SGCD: variants seen among roughly 807,000 people sequenced by gnomAD.
SGCD encodes sarcoglycan delta.
A neutral mutation model predicts 36.6 loss-of-function variants in SGCD; 18 were observed. That is an observed-to-expected ratio of 0.49 (90% confidence interval 0.34 to 0.73). SGCD has a LOEUF of 0.73. Among genes scored for constraint, SGCD ranks in the 30% least tolerant of loss-of-function variants. SGCD has a pLI of 0.01. For synonymous variants in SGCD, 133 were observed against 130.6 expected (o/e 1.02, Z -0.12); for missense variants, 387 against 346.7 (o/e 1.12, Z -0.92).
chr5:155,836,580 A>G, the SGCD span, among the ~76,000 whole-genome samples: 1 of 151,734 alleles, frequency 6.6e-6, no homozygotes, highest in Non-Finnish European at 1.5e-5. Flanking sequence ...GGGAAAGCAG[A>G]CATGGGCAGC....
chr5:156,402,720 A>G (rs62380754), intron 3 of SGCD, among the ~76,000 whole-genome samples: 26,258 of 152,178 alleles, frequency 0.17, 2,355 homozygotes, highest in Middle Eastern at 0.29. Context: ...TCAAAGGGTC[A>G]GTCTGAAGAC....
Position 156,152,073 on chromosome 5 carries a change from TA to T in SGCD, c.-44+28063del, listed in dbSNP as rs925268117. Among the ~76,000 whole-genome samples the T allele has an allele frequency of 6.3e-4, 94 of 150,182 alleles. 3 individuals carry two copies. The highest frequency in any genetic ancestry group is 2.1e-3 in the African/African-American group (84 of 40,542). On this transcript the variant is annotated intron_variant, in intron 3 of 9. Coordinates refer to the SGCD transcript ENST00000517913. ...GGAGATACTTTTTTGAAAATGGTCTTAAAAAAAAATGAAACTGAGTTTATTA... is the reference window on the plus strand; with the variant it reads ...GGAGATACTTTTTTGAAAATGGTCTTAAAAAAAATGAAACTGAGTTTATTA...
At chr5:156,692,233 G>A (rs1190229141) in intron 7 of SGCD, among the ~76,000 whole-genome samples, 1 of 152,182 alleles carries the variant, frequency 6.6e-6, no homozygotes, top group Non-Finnish European at 1.5e-5. Context: ...AAGACAATGA[G>A]AATGAAGAGT....
chr5:156,648,167 A>T (rs553841268), intron 7 of SGCD, among the ~76,000 whole-genome samples: 1 of 152,118 alleles, frequency 6.6e-6, no homozygotes, highest in South Asian at 2.1e-4. Context: ...CCCTCCCGCC[A>T]AAATGTATTT....
At chr5:156,411,824 T>C (rs1772776457) in intron 3 of SGCD, among the ~76,000 whole-genome samples, 1 of 152,248 alleles carries the variant, frequency 6.6e-6, no homozygotes, top group Admixed American at 6.5e-5. Context: ...TTCGGGCCTG[T>C]TGTAAAATCA....
At chr5:155,875,295 C>T (rs1199082753) in intron 1 of SGCD, among the ~76,000 whole-genome samples, 2 of 152,058 alleles carry the variant, frequency 1.3e-5, no homozygotes, top group Admixed American at 6.6e-5. Flanking sequence ...TGTTCATCAT[C>T]CTCCTTGTAG....
At chr5:155,968,133 A>G (rs981032745) in intron 1 of SGCD, among the ~76,000 whole-genome samples, 1 of 152,092 alleles carries the variant, frequency 6.6e-6, no homozygotes, top group Non-Finnish European at 1.5e-5. Context: ...CTTTCTCAGA[A>G]TTAAGCAAAT....
chr5:155,945,451 T>C (rs1318673225), intron 1 of SGCD, among the ~76,000 whole-genome samples: 1 of 152,150 alleles, frequency 6.6e-6, no homozygotes, highest in Non-Finnish European at 1.5e-5. Flanking sequence ...TACAGTGTAA[T>C]GGGGAAGACA....
chr5:156,557,745 G>A (rs1289316195), intron 4 of SGCD, among the ~76,000 whole-genome samples: 3 of 152,020 alleles, frequency 2.0e-5, no homozygotes, highest in East Asian at 1.9e-4. Context: ...AAAGTCTTCC[G>A]TGATATATCC....
the SGCD span, among the ~76,000 whole-genome samples, chr5:155,755,151 G>A: frequency 6.6e-6 from 1 of 152,138 alleles, no homozygotes; most frequent in Admixed American, 6.5e-5. Context: ...ACCATGAGAT[G>A]TTATCATAGC....
At chr5:155,732,762 CA>C in the SGCD span, among the ~76,000 whole-genome samples, 1 of 152,212 alleles carries the variant, frequency 6.6e-6, no homozygotes, top group African/African-American at 2.4e-5. Context: ...CCCAAGCCTA[CA>C]TCTATTTATA....
At chr5:155,800,327 C>T in the SGCD span, among the ~76,000 whole-genome samples, 8 of 152,186 alleles carry the variant, frequency 5.3e-5, no homozygotes, top group African/African-American at 7.2e-5. Context: ...TCTGGTTTGG[C>T]GTATTTTTTC....
chr5:156,205,261 G>A (rs1764247422), intron 3 of SGCD, among the ~76,000 whole-genome samples: 1 of 152,034 alleles, frequency 6.6e-6, no homozygotes, highest in Non-Finnish European at 1.5e-5. Flanking sequence ...TTTATGGGTA[G>A]GCTGGTAAGA....
At chr5:156,072,039 G>A (rs1760586882) in intron 1 of SGCD, among the ~76,000 whole-genome samples, 1 of 152,098 alleles carries the variant, frequency 6.6e-6, no homozygotes, top group South Asian at 2.1e-4. Context: ...CACGTGAGAT[G>A]GGTTTCCTCA....
chr5:156,232,630 A>G (rs1264783990), intron 3 of SGCD, among the ~76,000 whole-genome samples: 1 of 152,204 alleles, frequency 6.6e-6, no homozygotes, highest in East Asian at 1.9e-4. Flanking sequence ...GATTCTACTT[A>G]TTCTAGACCT....
At chr5:156,442,337 C>A (rs1018818828) in intron 3 of SGCD, among the ~76,000 whole-genome samples, 2 of 152,140 alleles carry the variant, frequency 1.3e-5, no homozygotes, top group Non-Finnish European at 2.9e-5. Context: ...GGCTATGAGA[C>A]GAAATTGGTT....
intron 1 of SGCD, among the ~76,000 whole-genome samples, chr5:155,900,926 C>T (rs575512162): frequency 1.6e-4 from 25 of 152,030 alleles, no homozygotes; most frequent in South Asian, 2.1e-4. Flanking sequence ...AGGTAATGAA[C>T]GTATTTATCA....
At chr5:155,756,038 A>G in the SGCD span, among the ~76,000 whole-genome samples, 10 of 152,220 alleles carry the variant, frequency 6.6e-5, no homozygotes, top group Non-Finnish European at 1.3e-4. Flanking sequence ...TATGTAATGG[A>G]TAAGAGTGAT....
At chr5:156,706,837 T>A (rs1203861737) in intron 7 of SGCD, among the ~76,000 whole-genome samples, 1 of 152,170 alleles carries the variant, frequency 6.6e-6, no homozygotes, top group Non-Finnish European at 1.5e-5. Flanking sequence ...TTCAGTCTGG[T>A]ATGTTACTCT....
Sources: gnomAD v4.1 joint callset for allele counts (sites outside exome capture counted in the v4.1 genomes callset) on GRCh38, gnomAD v4.1.1 for gene constraint, MANE v1.5 for transcripts, NCBI Gene and HGNC (gene_info 2026-07-23, HGNC 2026-07-21) for gene names.